Variants in KCNH7 observed in about 807,000 individuals in gnomAD.
KCNH7 encodes the protein voltage-gated inwardly rectifying potassium channel KCNH7.
Under a neutral mutation model 120.8 loss-of-function variants are expected in KCNH7, and 49 were observed. That is an observed-to-expected ratio of 0.41 (90% CI 0.32 to 0.51). The LOEUF is 0.51. Among genes scored for constraint, KCNH7 ranks in the 20% least tolerant of loss-of-function variants. The pLI, the probability that KCNH7 is intolerant of heterozygous loss-of-function variation, is 0.38. For missense variants in KCNH7, 1,097 were observed against 1,446.6 expected (o/e 0.76, Z 3.92); for synonymous variants, 547 against 516.1 (o/e 1.06, Z -0.81).
intron 2 of KCNH7, among the ~76,000 whole-genome samples, chr2:162,735,154 TA>T (rs758960391): frequency 6.6e-6 from 1 of 152,156 alleles, no homozygotes; most frequent in Non-Finnish European, 1.5e-5. Flanking sequence ...GAATTATAAG[TA>T]ATGAGAGAAA....
intron 6 of KCNH7, among the ~76,000 whole-genome samples, chr2:162,495,533 T>C (rs1690468747): frequency 6.6e-6 from 1 of 152,206 alleles, no homozygotes; most frequent in Admixed American, 6.5e-5. Flanking sequence ...CTGTACTTTA[T>C]GCAGATAATC....
In KCNH7 at chr2:162,537,751, T is replaced by C. The variant is rs562352927; in HGVS notation, c.308-671A>G. 3.3e-5 allele frequency among the ~76,000 whole-genome samples: 5 copies of C among 152,178 alleles called. No homozygotes were observed. The East Asian group carries it at 9.7e-4, about 30-fold the overall frequency. ...AGACGATATTCTTCTAAAAGCAAAA[T>C]TACAGGGCTAGTAAGCTATATTTCA... On this transcript the variant is annotated intron_variant, in intron 2 of 15. Coordinates refer to ENST00000332142, the MANE Select transcript of KCNH7 (RefSeq NM_033272.4).
intron 2 of KCNH7, among the ~76,000 whole-genome samples, chr2:162,764,669 A>G (rs1023629026): frequency 2.0e-5 from 3 of 152,206 alleles, no homozygotes; most frequent in African/African-American, 4.8e-5. Context: ...GTAAGCTTAG[A>G]TACAGATGCC....
intron 2 of KCNH7, among the ~76,000 whole-genome samples, chr2:162,592,277 A>C (rs1176442568): frequency 6.6e-6 from 1 of 152,092 alleles, no homozygotes; most frequent in African/African-American, 2.4e-5. Flanking sequence ...TATTAAGGCA[A>C]GGAGGCTGAT....
chr2:162,510,453 C>T (rs955171194), intron 5 of KCNH7, among the ~76,000 whole-genome samples: 3 of 151,376 alleles, frequency 2.0e-5, no homozygotes, highest in East Asian at 2.0e-4. Flanking sequence ...GGCACTAACA[C>T]GGACTTCCCG....
At chr2:162,765,130 C>A (rs986451773) in intron 2 of KCNH7, among the ~76,000 whole-genome samples, 2 of 151,930 alleles carry the variant, frequency 1.3e-5, no homozygotes, top group African/African-American at 4.8e-5. Flanking sequence ...CTACTAACAC[C>A]AACATTCAAC....
chr2:162,582,829 C>T (rs1286772862), intron 2 of KCNH7, among the ~76,000 whole-genome samples: 1 of 152,060 alleles, frequency 6.6e-6, no homozygotes, highest in Non-Finnish European at 1.5e-5. Flanking sequence ...CTTTCCTACC[C>T]AGATAAGGAG....
intron 9 of KCNH7, among the ~76,000 whole-genome samples, chr2:162,402,739 C>T (rs1481553733): frequency 2.0e-5 from 3 of 151,802 alleles, no homozygotes; most frequent in African/African-American, 7.2e-5. Flanking sequence ...GCATTTCTGG[C>T]ATTTTCCCTT....
In KCNH7 at chr2:162,552,937, GA is replaced by G. The variant is rs1164476881; in HGVS notation, c.308-15858del. On this transcript the variant is annotated intron_variant, in intron 2 of 15. Transcript: ENST00000332142. ...TTTCAGCCTTGTAACACCCTGAGAG[GA>G]AAACCCAGTCACACCCAGCCCGACT... 2.0e-5 allele frequency among the ~76,000 whole-genome samples: 3 copies of G among 152,240 alleles called. No homozygotes were observed. The East Asian group carries it at 5.8e-4, about 29-fold the overall frequency.
intron 14 of KCNH7, among the ~76,000 whole-genome samples, chr2:162,375,013 A>G (rs1308061685): frequency 1.3e-5 from 2 of 152,172 alleles, no homozygotes; most frequent in Non-Finnish European, 2.9e-5. Flanking sequence ...TTTCACTGTT[A>G]TGTGTTATAC....
intron 2 of KCNH7, among the ~76,000 whole-genome samples, chr2:162,725,681 C>T (rs1244536936): frequency 1.3e-5 from 2 of 152,152 alleles, no homozygotes; most frequent in Non-Finnish European, 2.9e-5. Flanking sequence ...CTATCTAGGT[C>T]TTGTCTGTTT....
At chr2:162,541,612 T>C (rs1359493458) in intron 2 of KCNH7, among the ~76,000 whole-genome samples, 1 of 152,128 alleles carries the variant, frequency 6.6e-6, no homozygotes, top group African/African-American at 2.4e-5. Flanking sequence ...CACTGCATGT[T>C]CTCATTTATA....
intron 2 of KCNH7, among the ~76,000 whole-genome samples, chr2:162,650,496 G>C (rs763649963): frequency 2.0e-5 from 3 of 152,062 alleles, no homozygotes; most frequent in Non-Finnish European, 2.9e-5. Flanking sequence ...AAGAAATTTT[G>C]GCATATGCTG....
At chr2:162,667,993 A>G (rs903746071) in intron 2 of KCNH7, among the ~76,000 whole-genome samples, 1 of 152,236 alleles carries the variant, frequency 6.6e-6, no homozygotes, top group Admixed American at 6.5e-5. Context: ...TATATAAGCT[A>G]GTTTTTAAAA....
At chr2:162,676,260 T>C (rs1240715213) in intron 2 of KCNH7, among the ~76,000 whole-genome samples, 2 of 151,506 alleles carry the variant, frequency 1.3e-5, no homozygotes, top group Admixed American at 6.6e-5. Context: ...CATGTTAGTA[T>C]ATAAAAAAGT....
At chr2:162,509,162 A>G (rs1171016835) in intron 5 of KCNH7, among the ~76,000 whole-genome samples, 1 of 151,582 alleles carries the variant, frequency 6.6e-6, no homozygotes, top group Non-Finnish European at 1.5e-5. Flanking sequence ...GCTAGAGGCT[A>G]AAGCAACAAC....
At chr2:162,472,946 T>C (rs1689604458) in intron 6 of KCNH7, among the ~76,000 whole-genome samples, 2 of 152,078 alleles carry the variant, frequency 1.3e-5, no homozygotes, top group Non-Finnish European at 1.5e-5. Flanking sequence ...CTGGAAACCA[T>C]CATTCTCAGC....
At chr2:162,802,220 A>G (rs908499757) in intron 2 of KCNH7, among the ~76,000 whole-genome samples, 3 of 151,818 alleles carry the variant, frequency 2.0e-5, no homozygotes, top group Non-Finnish European at 3.0e-5. Context: ...CAAAGAAAAG[A>G]CTGATAATTT....
At chr2:162,636,403 G>T (rs1683965528) in intron 2 of KCNH7, among the ~76,000 whole-genome samples, 1 of 152,094 alleles carries the variant, frequency 6.6e-6, no homozygotes, top group Non-Finnish European at 1.5e-5. Flanking sequence ...CCAATGTCGT[G>T]TCGATTACTG....
Sources: gnomAD v4.1 joint callset for allele counts (sites outside exome capture counted in the v4.1 genomes callset) on GRCh38, gnomAD v4.1.1 for gene constraint, MANE v1.5 for transcripts, NCBI Gene and HGNC (gene_info 2026-07-23, HGNC 2026-07-21) for gene names.